Variants in BACH2 observed in about 807,000 individuals in gnomAD.
BACH2 encodes BACH transcriptional regulator 2, also known as transcription regulator protein BACH2.
Under a neutral mutation model 61.8 loss-of-function variants are expected in BACH2, and 5 were observed. The observed-to-expected ratio is 0.08, with a 90% confidence interval of 0.04 to 0.17. The LOEUF (loss-of-function observed/expected upper bound fraction) is 0.17, where lower values mean the gene tolerates loss of function less well. BACH2 is among the 10% of genes least tolerant of loss of function. BACH2 has a pLI of 1.00. For synonymous variants in BACH2, 446 were observed against 440.1 expected (o/e 1.01, Z -0.17); for missense variants, 824 against 1,091.1 (o/e 0.76, Z 3.45).
intron 4 of BACH2, among the ~76,000 whole-genome samples, chr6:90,201,884 G>A (rs1406170938): frequency 6.6e-6 from 1 of 152,174 alleles, no homozygotes; most frequent in Non-Finnish European, 1.5e-5. Context: ...GACATTTGGT[G>A]AAACAAACCA....
intron 4 of BACH2, among the ~76,000 whole-genome samples, chr6:90,134,890 T>G (rs1361482772): frequency 6.6e-6 from 1 of 152,192 alleles, no homozygotes; most frequent in African/African-American, 2.4e-5. Context: ...TCCCTGTCTC[T>G]GGGGCCTTGA....
chr6:90,156,873 C>A lies in BACH2; in HGVS notation c.-162+49696G>T, dbSNP rs1048023231. On this transcript the variant is annotated intron_variant, in intron 4 of 8. Coordinates refer to ENST00000257749, the MANE Select transcript of BACH2 (RefSeq NM_021813.4). ...AAAGACATGGAATACATGACCCAGG[C>A]GGCCCTGAAAATCTCATCCTCACAC... Among the ~76,000 whole-genome samples the A allele has an allele frequency of 2.0e-5, 3 of 152,282 alleles. No individual in the cohort carries two copies. The South Asian group carries it at 6.2e-4, about 32-fold the overall frequency.
chr6:90,021,123 T>C (rs1194604948), intron 5 of BACH2, among the ~76,000 whole-genome samples: 2 of 152,248 alleles, frequency 1.3e-5, no homozygotes, highest in East Asian at 1.9e-4. Flanking sequence ...TTTATCATAG[T>C]ATATTCATCC....
At chr6:90,097,835 AAAG>A (rs1489961370) in intron 4 of BACH2, among the ~76,000 whole-genome samples, 1 of 152,248 alleles carries the variant, frequency 6.6e-6, no homozygotes, top group Non-Finnish European at 1.5e-5. Flanking sequence ...AGGAAACAAA[AAAG>A]AAGTAGAAAG....
At chr6:89,983,212 T>A (rs1319414987) in intron 6 of BACH2, among the ~76,000 whole-genome samples, 1 of 152,250 alleles carries the variant, frequency 6.6e-6, no homozygotes, top group Non-Finnish European at 1.5e-5. Flanking sequence ...TAGGACATCA[T>A]CCTTGCTTCT....
chr6:90,161,295 G>C (rs929332883), intron 4 of BACH2, among the ~76,000 whole-genome samples: 1 of 152,046 alleles, frequency 6.6e-6, no homozygotes, highest in Non-Finnish European at 1.5e-5. Context: ...ATTTTTGCAG[G>C]TGTATTATCT....
At chr6:89,967,560 T>A (rs1302951876) in intron 6 of BACH2, among the ~76,000 whole-genome samples, 1 of 152,140 alleles carries the variant, frequency 6.6e-6, no homozygotes, top group Non-Finnish European at 1.5e-5. Flanking sequence ...CAGGGAGGAT[T>A]CATAGAGCTC....
At chr6:89,976,110 A>G (rs538753935) in intron 6 of BACH2, among the ~76,000 whole-genome samples, 1 of 152,308 alleles carries the variant, frequency 6.6e-6, no homozygotes, top group African/African-American at 2.4e-5. Flanking sequence ...CACTTCTCCT[A>G]TAGCAAGCAA....
chr6:90,160,862 C>T (rs1222766835), intron 4 of BACH2, among the ~76,000 whole-genome samples: 3 of 151,844 alleles, frequency 2.0e-5, no homozygotes, highest in Admixed American at 6.6e-5. Context: ...AGGCCGAGGC[C>T]GGTGGATCAC....
At chr6:89,971,186 C>T (rs1050109736) in intron 6 of BACH2, among the ~76,000 whole-genome samples, 2 of 152,170 alleles carry the variant, frequency 1.3e-5, no homozygotes, top group African/African-American at 4.8e-5. Flanking sequence ...GGAACAACTG[C>T]GTCAGACGAC....
intron 1 of BACH2, 94 bp from the exon 2 acceptor site, chr6:90,272,035 G>A (rs1444253899): frequency 1.3e-5 from 2 of 152,320 alleles, no homozygotes; most frequent in African/African-American, 4.8e-5. Context: ...TTCTCTGCTT[G>A]ACATTGAACT....
chr6:89,955,999 C>A (rs12208074), intron 6 of BACH2, among the ~76,000 whole-genome samples: 5 of 151,968 alleles, frequency 3.3e-5, no homozygotes, highest in African/African-American at 1.2e-4. Context: ...ATAGTTCCAA[C>A]TCACTGATGT....
At chr6:90,237,219 A>G (rs544147136) in intron 3 of BACH2, among the ~76,000 whole-genome samples, 7 of 152,328 alleles carry the variant, frequency 4.6e-5, no homozygotes, top group African/African-American at 1.7e-4. Context: ...CACTGCGCCC[A>G]GCCCAGTGCT....
chr6:90,016,535 C>T (rs182347650), intron 5 of BACH2, among the ~76,000 whole-genome samples: 1 of 152,248 alleles, frequency 6.6e-6, no homozygotes, highest in African/African-American at 2.4e-5. Flanking sequence ...TGATATCATA[C>T]CATGTCGTGT....
intron 4 of BACH2, among the ~76,000 whole-genome samples, chr6:90,137,604 T>TA (rs548299849): frequency 2.0e-3 from 310 of 152,354 alleles, no homozygotes; most frequent in African/African-American, 7.2e-3. Flanking sequence ...TACATACTTC[T>TA]AGCTCTGGAC....
intron 1 of BACH2, among the ~76,000 whole-genome samples, chr6:90,296,094 G>A (rs1772364332): frequency 6.6e-6 from 1 of 152,114 alleles, no homozygotes; most frequent in African/African-American, 2.4e-5. Flanking sequence ...CAGCTGCTGC[G>A]GCTCGCGCGG....
chr6:90,050,863 G>A (rs1044538267), intron 5 of BACH2, among the ~76,000 whole-genome samples: 4 of 151,456 alleles, frequency 2.6e-5, no homozygotes, highest in Admixed American at 2.6e-4. Flanking sequence ...TCCATCTCCT[G>A]GGTTCAAGCG....
chr6:90,265,067 T>C (rs1445866247), intron 2 of BACH2, among the ~76,000 whole-genome samples: 3 of 152,212 alleles, frequency 2.0e-5, no homozygotes, highest in Non-Finnish European at 4.4e-5. Flanking sequence ...AAACAAAACA[T>C]TGTAACTCAA....
intron 3 of BACH2, among the ~76,000 whole-genome samples, chr6:90,222,808 T>G (rs1008784513): frequency 6.6e-6 from 1 of 152,116 alleles, no homozygotes; most frequent in African/African-American, 2.4e-5. Flanking sequence ...TAGTCATCCT[T>G]AGTCACCTGC....
Sources: gnomAD v4.1 joint callset for allele counts (sites outside exome capture counted in the v4.1 genomes callset) on GRCh38, gnomAD v4.1.1 for gene constraint, MANE v1.5 for transcripts, NCBI Gene and HGNC (gene_info 2026-07-23, HGNC 2026-07-21) for gene names.